Variants in BNC2 observed in about 807,000 individuals in gnomAD.
The protein encoded by BNC2 is basonuclin zinc finger protein 2, also known as zinc finger protein basonuclin-2.
A neutral mutation model predicts 76.3 loss-of-function variants in BNC2; 20 were observed. The ratio of observed to expected loss-of-function variants is 0.26; its 90% CI spans 0.18 to 0.38. BNC2 has a LOEUF of 0.38. Among genes scored for constraint, BNC2 ranks in the 10% least tolerant of loss-of-function variants. The pLI is 1.00. For missense variants in BNC2, 1,382 were observed against 1,399.8 expected, an observed-to-expected ratio of 0.99 and a Z score of 0.20; for synonymous variants, 582 against 514.8, an observed-to-expected ratio of 1.13 and a Z score of -1.77.
intron 5 of BNC2, among the ~76,000 whole-genome samples, chr9:16,550,571 G>C (rs1263676091): frequency 6.6e-6 from 1 of 152,180 alleles, no homozygotes; most frequent in African/African-American, 2.4e-5. Flanking sequence ...TCCTATCAAA[G>C]TGCTACCTGA....
intron 4 of BNC2, among the ~76,000 whole-genome samples, chr9:16,579,468 A>G (rs1350585723): frequency 1.3e-5 from 2 of 151,994 alleles, no homozygotes; most frequent in Non-Finnish European, 2.9e-5. Context: ...CTTTTTGTAG[A>G]GACAAGATTT....
At chr9:16,526,165 T>C (rs964113495) in intron 5 of BNC2, among the ~76,000 whole-genome samples, 4 of 152,124 alleles carry the variant, frequency 2.6e-5, no homozygotes, top group Non-Finnish European at 5.9e-5. Flanking sequence ...CAGATCACTG[T>C]TGTATTTAAT....
At chr9:16,810,152 T>C (rs1481731740) in intron 1 of BNC2, among the ~76,000 whole-genome samples, 2 of 152,224 alleles carry the variant, frequency 1.3e-5, no homozygotes, top group Non-Finnish European at 2.9e-5. Context: ...AAACTTGCTT[T>C]GCTTTATAAA....
chr9:16,609,867 G>C (rs937236560), intron 3 of BNC2, among the ~76,000 whole-genome samples: 1 of 151,894 alleles, frequency 6.6e-6, no homozygotes, highest in Non-Finnish European at 1.5e-5. Context: ...CTCCTCTCAG[G>C]ACTCCTGTCT....
intron 4 of BNC2, among the ~76,000 whole-genome samples, chr9:16,561,047 T>C (rs1211931854): frequency 2.0e-5 from 3 of 152,070 alleles, no homozygotes; most frequent in Admixed American, 1.3e-4. Flanking sequence ...GTGACCAGCC[T>C]GGCGAATATA....
At chr9:16,519,502 G>A in intron 5 of BNC2, among the ~76,000 whole-genome samples, 1 of 152,164 alleles carries the variant, frequency 6.6e-6, no homozygotes, top group Admixed American at 6.5e-5. Context: ...TTTTGTAGTG[G>A]CGAATGAGCC....
At chr9:16,780,030 A>G (rs1353825182) in intron 1 of BNC2, among the ~76,000 whole-genome samples, 1 of 148,220 alleles carries the variant, frequency 6.7e-6, no homozygotes, top group South Asian at 2.2e-4. Context: ...AGGTCAGCAG[A>G]TCGAGACCAT....
At chr9:16,493,930 G>A (rs909780097) in intron 5 of BNC2, among the ~76,000 whole-genome samples, 2 of 152,156 alleles carry the variant, frequency 1.3e-5, no homozygotes, top group African/African-American at 4.8e-5. Flanking sequence ...ACATGAAGAA[G>A]TCTGATGACA....
intron 3 of BNC2, among the ~76,000 whole-genome samples, chr9:16,587,896 T>C (rs1328829610): frequency 2.6e-5 from 4 of 152,224 alleles, no homozygotes; most frequent in Non-Finnish European, 5.9e-5. Flanking sequence ...ACTAGACTTC[T>C]GTATCATAAT....
At chr9:16,622,023 C>A (rs751768934) in intron 3 of BNC2, among the ~76,000 whole-genome samples, 1 of 152,082 alleles carries the variant, frequency 6.6e-6, no homozygotes, top group Non-Finnish European at 1.5e-5. Flanking sequence ...CAGTACTGGT[C>A]TGGACACTAG....
intron 5 of BNC2, among the ~76,000 whole-genome samples, chr9:16,476,720 T>A (rs767967176): frequency 6.6e-6 from 1 of 152,182 alleles, no homozygotes; most frequent in Non-Finnish European, 1.5e-5. Context: ...AAAAAATACA[T>A]GTCAAATGAC....
intron 5 of BNC2, among the ~76,000 whole-genome samples, chr9:16,451,702 C>T (rs1821343393): frequency 2.0e-5 from 3 of 152,170 alleles, no homozygotes; most frequent in Admixed American, 1.3e-4. Context: ...AATGTTTCCT[C>T]TCCTATCTTT....
At chr9:16,753,897 G>T (rs534836534) in intron 1 of BNC2, among the ~76,000 whole-genome samples, 3 of 152,268 alleles carry the variant, frequency 2.0e-5, no homozygotes, top group African/African-American at 7.2e-5. Context: ...CACTTGAAGT[G>T]AATCACACTG....
Position 16,436,567 on chromosome 9 carries a change from T to G in BNC2, c.1627A>C (p.Thr543Pro). The stretch of plus-strand genomic sequence containing the variant: ...TGCAAGACAGGGTCTAGAGGGGGAG[T>G]GGTAAAACCCATTGGGGGTCGGCCA... ...SPGRPPMGFTTPPLDPVLQNP... is the reference protein window; with the variant it reads ...SPGRPPMGFTPPPLDPVLQNP... The change falls in exon 6 of 7, where the codon ACT (threonine) becomes CCT (proline). Residue 543 changes from threonine to proline, a missense_variant. Coordinates refer to ENST00000380672, the MANE Select transcript of BNC2 (RefSeq NM_017637.6). The G allele has an allele frequency of 1.2e-6, 2 of 1,613,286 alleles. No individual in the cohort carries two copies. The highest frequency in any genetic ancestry group is 2.2e-5 in the East Asian group (1 of 44,824).
chr9:16,802,026 T>C (rs112394436), intron 1 of BNC2, among the ~76,000 whole-genome samples: 68 of 152,228 alleles, frequency 4.5e-4, no homozygotes, highest in African/African-American at 1.6e-3. Context: ...CAAGCACTCA[T>C]GTTATGCCAC....
At chr9:16,843,085 G>C (rs943486126) in intron 1 of BNC2, among the ~76,000 whole-genome samples, 10 of 152,126 alleles carry the variant, frequency 6.6e-5, no homozygotes, top group Admixed American at 2.0e-4. Context: ...AAAAAGTTGA[G>C]GGTAAATCTT....
intron 5 of BNC2, among the ~76,000 whole-genome samples, chr9:16,526,912 C>T (rs16934786): frequency 0.16 from 24,335 of 152,122 alleles, 2,337 homozygotes; most frequent in South Asian, 0.26. Context: ...AAGAAATAAA[C>T]GAAAACTGCC....
intron 5 of BNC2, among the ~76,000 whole-genome samples, chr9:16,456,147 G>A (rs1158598804): frequency 1.3e-5 from 2 of 152,040 alleles, no homozygotes; most frequent in Non-Finnish European, 2.9e-5. Flanking sequence ...AGTTTAACAT[G>A]AAATTAAGGT....
intron 1 of BNC2, among the ~76,000 whole-genome samples, chr9:16,740,218 C>T (rs1026862269): frequency 6.6e-6 from 1 of 152,038 alleles, no homozygotes; most frequent in Non-Finnish European, 1.5e-5. Flanking sequence ...ATGGTTAAAA[C>T]CAAGTGAAAT....
Sources: gnomAD v4.1 joint callset for allele counts (sites outside exome capture counted in the v4.1 genomes callset) on GRCh38, gnomAD v4.1.1 for gene constraint, MANE v1.5 for transcripts, NCBI Gene and HGNC (gene_info 2026-07-23, HGNC 2026-07-21) for gene names.